Variants in PTPRF observed in about 807,000 individuals in gnomAD.
PTPRF encodes receptor-type tyrosine-protein phosphatase F.
A neutral mutation model predicts 201.8 loss-of-function variants in PTPRF; 59 were observed. The observed-to-expected ratio is 0.29, with a 90% CI of 0.24 to 0.36. The LOEUF is 0.36. Ranked by LOEUF, PTPRF falls within the 10% of genes least tolerant of loss-of-function variation. The probability of loss-of-function intolerance (pLI) is 1.00; values close to 1 mark genes in which losing one functional copy is unlikely to be tolerated. For synonymous variants in PTPRF, 1,088 were observed against 1,089.7 expected (o/e 1.00, Z 0.03); for missense variants, 2,132 against 2,690.5 (o/e 0.79, Z 4.59).
chr1:43,539,678 T>C (rs1570915267), intron 2 of PTPRF, among the ~76,000 whole-genome samples: 1 of 151,984 alleles, frequency 6.6e-6, no homozygotes, highest in Admixed American at 6.5e-5. Flanking sequence ...GGAGGGTGGG[T>C]GTAGGGACAC....
In PTPRF at chr1:43,545,080, C is replaced by T; in HGVS notation, c.5C>T (p.Ala2Val). The change falls in exon 3 of 34, where the codon GCC (alanine) becomes GTC (valine). Residue 2 changes from alanine to valine, a missense_variant. Ala to Val is a moderately conservative substitution (Grantham distance 64). This residue lies in a region of PTPRF where 297 missense variants were observed against 454.0 expected (regional missense o/e 0.65). Transcript: ENST00000359947. The part of the protein sequence containing the change: M[A>V]PEPAPGRTMV... The stretch of plus-strand genomic sequence containing the variant: ...GCTGTGGAGCTAGAGCCCTGGATGG[C>T]CCCTGAGCCAGCCCCAGGGAGGACG... 3 of 1,575,966 alleles carry T rather than the reference C, an allele frequency of 1.9e-6. No individual in the cohort carries two copies. Among genetic ancestry groups the T allele is most frequent in the Non-Finnish European group, 2.6e-6 (3 of 1,160,336 alleles).
chr1:43,565,834 G>A lies in PTPRF; in HGVS notation c.380-3756G>A, dbSNP rs1298665340. Among the ~76,000 whole-genome samples the A allele has an allele frequency of 5.3e-5, 8 of 152,242 alleles. No individual in the cohort carries two copies. The South Asian group carries it at 6.2e-4, about 12-fold the overall frequency. Reference sequence around the variant, plus strand: ...GAAGGGCGGTGCCAGGGCGGACAGCGGACGCGCGCGCCTGCACGGACTCGG... The same window carrying A: ...GAAGGGCGGTGCCAGGGCGGACAGCAGACGCGCGCGCCTGCACGGACTCGG... On this transcript the variant is annotated intron_variant, in intron 5 of 33. Coordinates refer to ENST00000359947, the MANE Select transcript of PTPRF (RefSeq NM_002840.5).
At chr1:43,614,769 T>C (rs1463740786) in intron 23 of PTPRF, among the ~76,000 whole-genome samples, 1 of 152,020 alleles carries the variant, frequency 6.6e-6, no homozygotes. Flanking sequence ...GGAGAATCGT[T>C]TGAACCCGGG....
intron 14 of PTPRF, 24 bp downstream of exon 14, chr1:43,602,121 G>A (rs750294512): frequency 8.1e-5 from 131 of 1,609,550 alleles, no homozygotes; most frequent in South Asian, 7.9e-4. Context: ...GTGCGAACGC[G>A]GACAAGACAT....
intron 23 of PTPRF, among the ~76,000 whole-genome samples, chr1:43,615,582 CTTTT>C (rs1657621956): frequency 1.4e-5 from 1 of 71,016 alleles, no homozygotes; most frequent in African/African-American, 4.9e-5. Context: ...TTTTTTTTTT[CTTTT>C]TTGGAAGTCT....
chr1:43,531,708 G>T (rs891455904), intron 1 of PTPRF, among the ~76,000 whole-genome samples: 3 of 152,000 alleles, frequency 2.0e-5, no homozygotes, highest in African/African-American at 7.2e-5. Context: ...GGATGGGGAG[G>T]GGCCGAACGG....
chr1:43,617,964 G>T, intron 25 of PTPRF, 53 bp downstream of exon 25: 1 of 1,544,322 alleles, frequency 6.5e-7, no homozygotes, highest in East Asian at 2.3e-5. Flanking sequence ...CAGCCACAAG[G>T]TGATACAGGG....
At chr1:43,533,865 C>G (rs376096049) in intron 1 of PTPRF, among the ~76,000 whole-genome samples, 1 of 152,180 alleles carries the variant, frequency 6.6e-6, no homozygotes, top group Admixed American at 6.5e-5. Flanking sequence ...TGTGCCAGAC[C>G]CCGGGGTAGG....
At chr1:43,522,740 T>C (rs1642990354), upstream of PTPRF, among the ~76,000 whole-genome samples, 1 of 151,390 alleles carries the variant, frequency 6.6e-6, no homozygotes, top group Non-Finnish European at 1.5e-5. Flanking sequence ...AAGGGGGAAA[T>C]GCAGTATGTT....
At chr1:43,544,598 C>T (rs990606167) in intron 2 of PTPRF, among the ~76,000 whole-genome samples, 1 of 152,186 alleles carries the variant, frequency 6.6e-6, no homozygotes, top group Non-Finnish European at 1.5e-5. Flanking sequence ...CCTCACTGCT[C>T]CTTGTCACTG....
In PTPRF at chr1:43,606,161, C is replaced by T. The variant is rs1655048620; in HGVS notation, c.3484-79C>T. The T allele has an allele frequency of 3.4e-6, 5 of 1,471,822 alleles. No individual in the cohort carries two copies. The African/African-American group carries it at 5.6e-5, about 16-fold the overall frequency. The allele number at this position is 1,471,822 out of a possible 1,614,324, so 91.2% of individuals were successfully genotyped here. ...TGAGCCTTGATCTCGGCCCAGGGAG[C>T]TGACATCCCAGGCCACAGCCTCAGG... On this transcript the variant is annotated intron_variant, in intron 19 of 33. Coordinates refer to ENST00000359947, the MANE Select transcript of PTPRF (RefSeq NM_002840.5).
At chr1:43,619,997 G>A in intron 29 of PTPRF, 98 bp from the exon 30 acceptor site, 1 of 1,575,232 alleles carries the variant, frequency 6.3e-7, no homozygotes, top group Non-Finnish European at 8.6e-7. Flanking sequence ...TCCTGGAGGA[G>A]GGGTGATCTG....
upstream of PTPRF, among the ~76,000 whole-genome samples, chr1:43,522,204 C>G (rs1365712987): frequency 6.6e-6 from 1 of 152,154 alleles, no homozygotes; most frequent in African/African-American, 2.4e-5. Flanking sequence ...TTCTGGGAAA[C>G]CTGACCTAAC....
chr1:43,545,081 C>T lies in PTPRF; in HGVS notation c.6C>T (p.Ala2=). The part of the protein sequence containing the change: M[A]PEPAPGRTMV... The stretch of plus-strand genomic sequence containing the variant: ...CTGTGGAGCTAGAGCCCTGGATGGC[C>T]CCTGAGCCAGCCCCAGGGAGGACGA... Residue 2 remains alanine, a synonymous_variant, in exon 3 of 34, where the codon GCC becomes GCT. Coordinates refer to ENST00000359947, the MANE Select transcript of PTPRF (RefSeq NM_002840.5). 6.3e-7 allele frequency: 1 copy of T among 1,576,948 alleles called. No individual in the cohort carries two copies. The highest frequency in any genetic ancestry group is 8.6e-7 in the Non-Finnish European group (1 of 1,160,834).
Position 43,546,774 on chromosome 1 carries a change from G to A in PTPRF, c.91+1608G>A, listed in dbSNP as rs1167281521. On this transcript the variant is annotated intron_variant, in intron 3 of 33. Transcript: ENST00000359947. The surrounding 1 kb of genome is among the most constrained non-coding windows in gnomAD (Gnocchi z 4.2). ...TCTTCCCGTGTTCTCTCCCGTGAAA[G>A]GCATTACCACCCACCCGGTCACCCA... Among the ~76,000 whole-genome samples, 2 of 152,102 alleles carry A rather than the reference G, an allele frequency of 1.3e-5. No homozygotes were observed. The highest frequency in any genetic ancestry group is 2.9e-5 in the Non-Finnish European group (2 of 68,020).
In PTPRF at chr1:43,577,652, G is replaced by A. The variant is rs964847860; in HGVS notation, c.569-1158G>A. ...GCTCCTGTCCAGTCCAGGCAGGGGG[G>A]GCCCGGCAGCTTCTGTCCATGTCCT... On this transcript the variant is annotated intron_variant, in intron 6 of 33. Transcript: ENST00000359947. Among the ~76,000 whole-genome samples the A allele has an allele frequency of 1.1e-4, 17 of 152,258 alleles. No homozygotes were observed. In the East Asian group the frequency reaches 1.2e-3, roughly 10 times the overall value.
chr1:43,533,141 TCTTTC>T (rs2153949941), intron 1 of PTPRF, among the ~76,000 whole-genome samples: 1 of 152,364 alleles, frequency 6.6e-6, no homozygotes, highest in East Asian at 1.9e-4. Context: ...CTTCCCTCTT[TCTTTC>T]CTTTAACAAG....
intron 1 of PTPRF, among the ~76,000 whole-genome samples, chr1:43,536,299 C>T (rs956713567): frequency 6.6e-6 from 1 of 152,076 alleles, no homozygotes; most frequent in African/African-American, 2.4e-5. Flanking sequence ...CAGTTTGATC[C>T]CAGACTGACG....
chr1:43,547,274 C>T (rs896731708), intron 3 of PTPRF, among the ~76,000 whole-genome samples: 3 of 152,190 alleles, frequency 2.0e-5, no homozygotes, highest in Admixed American at 1.3e-4. Context: ...GTTTTTAAAG[C>T]AGAGAACCTC....
Sources: allele counts gnomAD v4.1 joint callset (sites outside exome capture counted in the v4.1 genomes callset), GRCh38; gene constraint gnomAD v4.1.1; regional missense constraint gnomAD v4.1.1; non-coding constraint Gnocchi (gnomAD v3.1); transcripts MANE v1.5; gene names NCBI Gene and HGNC (gene_info 2026-07-23, HGNC 2026-07-21).